The following PARP11 variants were observed in gnomAD, a reference collection of about 807,000 sequenced individuals.
PARP11 encodes protein mono-ADP-ribosyltransferase PARP11.
Under a neutral mutation model 42.9 loss-of-function variants are expected in PARP11, and 31 were observed. The ratio of observed to expected loss-of-function variants is 0.72; its 90% CI spans 0.54 to 0.98. The LOEUF is 0.98. Ranked by LOEUF, PARP11 falls within the 50% of genes least tolerant of loss-of-function variation. The probability of loss-of-function intolerance (pLI) is 0.00; values close to 1 mark genes in which losing one functional copy is unlikely to be tolerated. For synonymous variants in PARP11, 137 were observed against 127.3 expected, an observed-to-expected ratio of 1.08 and a Z score of -0.51; for missense variants, 365 against 413.1, an observed-to-expected ratio of 0.88 and a Z score of 1.01.
chr12:3,842,178 G>A, intron 1 of PARP11: 1 of 1,611,762 alleles, frequency 6.2e-7, no homozygotes, highest in Non-Finnish European at 8.5e-7. Context: ...TAAGACTGCT[G>A]CTGATGTGGT....
At chr12:3,834,900 C>A (rs998327058) in intron 1 of PARP11, among the ~76,000 whole-genome samples, 5 of 152,118 alleles carry the variant, frequency 3.3e-5, no homozygotes, top group African/African-American at 9.7e-5. Flanking sequence ...CACGTACCCA[C>A]TGACAGAGCG....
At chr12:3,827,582 A>G (rs1795522996) in intron 3 of PARP11, among the ~76,000 whole-genome samples, 1 of 152,064 alleles carries the variant, frequency 6.6e-6, no homozygotes, top group African/African-American at 2.4e-5. Flanking sequence ...GGCCTCTTAA[A>G]TCCTGCTTAT....
intron 1 of PARP11, among the ~76,000 whole-genome samples, chr12:3,838,649 G>A (rs920629140): frequency 1.3e-5 from 2 of 152,162 alleles, no homozygotes; most frequent in Admixed American, 1.3e-4. Context: ...CAATATAAAA[G>A]ATCAATGGTG....
At chr12:3,829,419 T>TA (rs1241764819) in intron 2 of PARP11, among the ~76,000 whole-genome samples, 1 of 152,228 alleles carries the variant, frequency 6.6e-6, no homozygotes, top group African/African-American at 2.4e-5. Context: ...AATCTCAGTT[T>TA]AACTAGCTGT....
At chr12:3,847,062 G>C (rs1358948842) in intron 1 of PARP11, among the ~76,000 whole-genome samples, 1 of 152,120 alleles carries the variant, frequency 6.6e-6, no homozygotes, top group Non-Finnish European at 1.5e-5. Context: ...GGTCAACAGA[G>C]AGAGATCCTG....
intron 1 of PARP11, among the ~76,000 whole-genome samples, chr12:3,843,497 C>G (rs1166770463): frequency 6.6e-6 from 1 of 152,206 alleles, no homozygotes; most frequent in Non-Finnish European, 1.5e-5. Context: ...TTATGTATCA[C>G]TTTCACTTTA....
chr12:3,826,631 A>G (rs1180245673), intron 3 of PARP11, among the ~76,000 whole-genome samples: 1 of 152,234 alleles, frequency 6.6e-6, no homozygotes, highest in Non-Finnish European at 1.5e-5. Flanking sequence ...AAGAAGAAAA[A>G]TGTACTTTCA....
intron 1 of PARP11, among the ~76,000 whole-genome samples, chr12:3,850,812 C>T (rs1948083849): frequency 6.6e-6 from 1 of 152,134 alleles, no homozygotes; most frequent in Non-Finnish European, 1.5e-5. Context: ...AATGTTAAGT[C>T]TGAAATATCT....
At chr12:3,812,565 C>T (rs1947204051) in intron 7 of PARP11, 126 bp from the exon 8 acceptor site, 4 of 672,294 alleles carry the variant, frequency 5.9e-6, no homozygotes, top group Middle Eastern at 3.9e-4. Context: ...GGAATTTCCT[C>T]ATCTGCAGAT....
At chr12:3,842,801 T>C (rs1464632214) in intron 1 of PARP11, among the ~76,000 whole-genome samples, 1 of 152,230 alleles carries the variant, frequency 6.6e-6, no homozygotes, top group African/African-American at 2.4e-5. Context: ...CAGCTTAATA[T>C]AAAACATTAT....
intron 1 of PARP11, among the ~76,000 whole-genome samples, chr12:3,858,239 G>A (rs1481543664): frequency 1.3e-5 from 2 of 152,304 alleles, no homozygotes; most frequent in East Asian, 3.9e-4. Context: ...TTGATAATGA[G>A]GCTCCAGTTG....
chr12:3,840,073 A>G lies in PARP11; in HGVS notation c.19-10055T>C. ...GTCACTCAATCCTGCAGTCTATAGA[A>G]ATGTGGAATATGAAATTTGGCTGGA... On this transcript the variant is annotated intron_variant, in intron 1 of 7. Coordinates refer to ENST00000228820, the MANE Select transcript of PARP11 (RefSeq NM_020367.6). This position sits in a 1 kb window ranked among gnomAD's most constrained non-coding sequence, Gnocchi z 4.4. The G allele has an allele frequency of 6.2e-7, 1 of 1,609,162 alleles. No individual in the cohort carries two copies. The highest frequency in any genetic ancestry group is 1.1e-5 in the South Asian group (1 of 90,996).
At chr12:3,829,174 G>C in intron 2 of PARP11, 144 bp from the exon 3 acceptor site, 1 of 783,888 alleles carries the variant, frequency 1.3e-6, no homozygotes, top group Non-Finnish European at 2.0e-6. Flanking sequence ...AACACACAGG[G>C]AGAATCACAA....
chr12:3,811,907 T>G lies in PARP11; in HGVS notation c.*216A>C. 1 of 522,660 alleles carries G rather than the reference T, an allele frequency of 1.9e-6. No individual in the cohort carries two copies. Among genetic ancestry groups the G allele is most frequent in the African/African-American group, 1.9e-5 (1 of 51,604 alleles). The allele number at this position is 522,660 out of a possible 1,614,324, so 32.4% of individuals were successfully genotyped here. A position where few individuals can be genotyped will look rare whatever the true frequency, so the allele number is the denominator to read the frequency against. On this transcript the variant is annotated 3_prime_UTR_variant, in exon 8 of 8. Coordinates refer to ENST00000228820, the MANE Select transcript of PARP11 (RefSeq NM_020367.6). ...CCTATGTGTTAAAACATCAATGATA[T>G]CAACTTTTAACAAACAAGACTACAA...
At chr12:3,834,154 C>T (rs960051123) in intron 1 of PARP11, among the ~76,000 whole-genome samples, 3 of 152,166 alleles carry the variant, frequency 2.0e-5, no homozygotes, top group Non-Finnish European at 2.9e-5. Flanking sequence ...CACTCCACTG[C>T]CCACTCTAAG....
At chr12:3,841,956 G>C (rs11062858) in intron 1 of PARP11, 65,511 of 1,608,948 alleles carry the variant, frequency 0.041, 1,771 homozygotes, top group South Asian at 0.11. Context: ...AAGCAAGTGT[G>C]AGCAGTAAGC....
intron 1 of PARP11, among the ~76,000 whole-genome samples, chr12:3,835,924 A>ATTT (rs570880055): frequency 6.6e-6 from 1 of 152,180 alleles, no homozygotes; most frequent in Non-Finnish European, 1.5e-5. Flanking sequence ...GCACCAACAT[A>ATTT]TAAATAACTA....
chr12:3,866,688 G>A (rs1948397903), intron 1 of PARP11, among the ~76,000 whole-genome samples: 2 of 152,124 alleles, frequency 1.3e-5, no homozygotes, highest in Admixed American at 6.6e-5. Flanking sequence ...AAGTCCATTT[G>A]CTTTGTTAAT....
intron 1 of PARP11, among the ~76,000 whole-genome samples, chr12:3,864,891 T>C (rs569329810): frequency 6.6e-6 from 1 of 152,334 alleles, no homozygotes; most frequent in East Asian, 1.9e-4. Flanking sequence ...TTTTCTGTTG[T>C]AGTGATTTCC....
Sources: gnomAD v4.1 joint callset for allele counts (sites outside exome capture counted in the v4.1 genomes callset) on GRCh38, gnomAD v4.1.1 for gene constraint, Gnocchi (gnomAD v3.1) non-coding constraint, MANE v1.5 for transcripts, NCBI Gene and HGNC (gene_info 2026-07-23, HGNC 2026-07-21) for gene names.